Variants in SLC35B4 observed in about 807,000 individuals in gnomAD.
The protein encoded by SLC35B4 is solute carrier family 35 member B4, also known as nucleotide sugar transporter SLC35B4.
SLC35B4 carries 28 observed loss-of-function variants against 39.5 expected under a neutral mutation model. That is an observed-to-expected ratio of 0.71 (90% confidence interval 0.53 to 0.97). The LOEUF (loss-of-function observed/expected upper bound fraction) is 0.97. SLC35B4 is among the 50% of genes least tolerant of loss of function. The probability of loss-of-function intolerance (pLI) is 0.00; values close to 1 mark genes in which losing one functional copy is unlikely to be tolerated. For missense variants in SLC35B4, 334 were observed against 414.3 expected (o/e 0.81, Z 1.68); for synonymous variants, 145 against 150.4 (o/e 0.96, Z 0.26).
At chr7:134,299,310 C>G (rs1243375216) in intron 8 of SLC35B4, 1 of 469,124 alleles carries the variant, frequency 2.1e-6, no homozygotes, top group South Asian at 3.3e-5. Context: ...ATGGAAAACT[C>G]GAAGATATTC....
At chr7:134,296,741 CTG>C (rs1803477561) in intron 8 of SLC35B4, among the ~76,000 whole-genome samples, 1 of 152,172 alleles carries the variant, frequency 6.6e-6, no homozygotes. Flanking sequence ...CAAAGAAAGA[CTG>C]TGAAGCACAG....
At chr7:134,304,666 G>T in intron 4 of SLC35B4, 139 bp downstream of exon 4, 1 of 639,484 alleles carries the variant, frequency 1.6e-6, no homozygotes. Context: ...GGGCCTCACT[G>T]GTAAAGAACT....
chr7:134,310,455 G>C (rs944970539), intron 1 of SLC35B4, among the ~76,000 whole-genome samples: 2 of 152,102 alleles, frequency 1.3e-5, no homozygotes, highest in African/African-American at 4.8e-5. Flanking sequence ...GCTGGAAGAA[G>C]AACAAAGTGA....
At chr7:134,305,183 C>T (rs963775659) in intron 3 of SLC35B4, among the ~76,000 whole-genome samples, 31 of 152,040 alleles carry the variant, frequency 2.0e-4, no homozygotes, top group Non-Finnish European at 4.1e-4. Flanking sequence ...CTTAGCTGGG[C>T]GTGGTGGCAG....
chr7:134,304,817 A>G lies in SLC35B4; in HGVS notation c.332T>C (p.Ile111Thr). 6.2e-7 allele frequency: 1 copy of G among 1,611,858 alleles called. No homozygotes were observed. Among genetic ancestry groups the G allele is most frequent in the Non-Finnish European group, 8.5e-7 (1 of 1,177,946 alleles). Residue 111 changes from isoleucine (I) to threonine (T), a missense_variant, in exon 4 of 10, where the codon ATT becomes ACT. Ile to Thr is a moderately conservative substitution (Grantham distance 89). Transcript: ENST00000378509. The part of the protein sequence containing the change: ...LIANMILGII[I>T]LKKRYSIFKY... ...GTGTATTGTTTACCTTTTCTTCAAA[A>G]TGATAATTCCTAGAATCATGTTGGC...
At chr7:134,307,563 C>A (rs2544218) in intron 2 of SLC35B4, among the ~76,000 whole-genome samples, 76,692 of 151,992 alleles carry the variant, frequency 0.5, 19,885 homozygotes, top group African/African-American at 0.6. Context: ...GACTCAACTT[C>A]CTATATTGAG....
upstream of SLC35B4, among the ~76,000 whole-genome samples, chr7:134,318,165 G>A (rs1029268648): frequency 6.6e-6 from 1 of 152,216 alleles, no homozygotes; most frequent in African/African-American, 2.4e-5. Flanking sequence ...GTTATCGAGT[G>A]CAGATTATTG....
In SLC35B4 at chr7:134,304,838, T is replaced by C; in HGVS notation, c.311A>G (p.Asn104Ser). Residue 104 changes from asparagine to serine, a missense_variant, in exon 4 of 10, where the codon AAC (asparagine) becomes AGC (serine). Coordinates refer to ENST00000378509, the MANE Select transcript of SLC35B4 (RefSeq NM_032826.5). ...MIFRSGSLIANMILGIIILKK... is the reference protein window; with the variant it reads ...MIFRSGSLIASMILGIIILKK... ...CAAAATGATAATTCCTAGAATCATG[T>C]TGGCAATTAGAGAACCCTGCAAAAG... The C allele has an allele frequency of 6.2e-7, 1 of 1,612,780 alleles. No homozygotes were observed. Among genetic ancestry groups the C allele is most frequent in the African/African-American group, 1.3e-5 (1 of 74,976 alleles).
intron 2 of SLC35B4, among the ~76,000 whole-genome samples, chr7:134,307,758 G>A (rs573476461): frequency 6.4e-4 from 98 of 152,240 alleles, no homozygotes; most frequent in African/African-American, 2.0e-3. Flanking sequence ...CCGATTCTGC[G>A]TTGCTAGTTA....
At chr7:134,303,616 C>T (rs186193639) in intron 4 of SLC35B4, among the ~76,000 whole-genome samples, 4 of 152,252 alleles carry the variant, frequency 2.6e-5, no homozygotes, top group Non-Finnish European at 5.9e-5. Flanking sequence ...TATGACACAG[C>T]CCTTAATACT....
chr7:134,298,216 A>G (rs888781197), intron 8 of SLC35B4, among the ~76,000 whole-genome samples: 2 of 152,212 alleles, frequency 1.3e-5, no homozygotes, highest in African/African-American at 4.8e-5. Context: ...CTGGTATTCT[A>G]TTATCTTTGA....
chr7:134,296,421 C>A lies in SLC35B4; in HGVS notation c.719G>T (p.Trp240Leu). Residue 240 changes from tryptophan to leucine, a missense_variant, in exon 9 of 10, where the codon TGG becomes TTG. Coordinates refer to ENST00000378509, the MANE Select transcript of SLC35B4 (RefSeq NM_032826.5). ...PVIGVTLPIM[W>L]FYLLMNIITQ... ...GATGATGTTCATGAGGAGGTAGAAC[C>A]ACATGATGGGCAGGGTCACTCCGAT... 1 of 1,614,032 alleles carries A rather than the reference C, an allele frequency of 6.2e-7. No homozygotes were observed. The highest frequency in any genetic ancestry group is 8.5e-7 in the Non-Finnish European group (1 of 1,179,974).
intron 2 of SLC35B4, among the ~76,000 whole-genome samples, chr7:134,308,223 C>T (rs1026992713): frequency 2.6e-5 from 4 of 152,064 alleles, no homozygotes; most frequent in African/African-American, 7.2e-5. Flanking sequence ...AGTGGGGCGA[C>T]ATGATAAAAC....
intron 1 of SLC35B4, among the ~76,000 whole-genome samples, chr7:134,310,839 A>AC (rs1172800153): frequency 6.6e-6 from 1 of 151,554 alleles, no homozygotes; most frequent in African/African-American, 2.4e-5. Context: ...GAGCCACCAC[A>AC]CCCGGCCTCT....
chr7:134,303,427 G>C (rs1456016502), intron 4 of SLC35B4, among the ~76,000 whole-genome samples: 1 of 151,874 alleles, frequency 6.6e-6, no homozygotes. Context: ...TAAGAAGCAT[G>C]ATGATCACTT....
chr7:134,302,081 G>A lies in SLC35B4; in HGVS notation c.374C>T (p.Ala125Val), dbSNP rs1326997888. 4.3e-6 allele frequency: 7 copies of A among 1,613,538 alleles called. No individual in the cohort carries two copies. The highest frequency in any genetic ancestry group is 4.0e-5 in the African/African-American group (3 of 74,830). ...AATAAATATCCCCACAGACACCAGG[G>A]CAATGGAGGTATATTTGAATATACT... ...RYSIFKYTSI[A>V]LVSVGIFICT... Residue 125 changes from alanine (A) to valine (V), a missense_variant, in exon 5 of 10, where the codon GCC (alanine) becomes GTC (valine). Physicochemically the swap from Ala to Val is moderately conservative, Grantham distance 64 (BLOSUM62 0). Coordinates refer to ENST00000378509, the MANE Select transcript of SLC35B4 (RefSeq NM_032826.5).
At chr7:134,313,300 G>A (rs1200313920) in intron 1 of SLC35B4, among the ~76,000 whole-genome samples, 3 of 152,168 alleles carry the variant, frequency 2.0e-5, no homozygotes, top group Non-Finnish European at 4.4e-5. Context: ...AAAAAAGAAT[G>A]CAACTTTGAA....
upstream of SLC35B4, among the ~76,000 whole-genome samples, chr7:134,319,694 C>T (rs954803842): frequency 6.6e-6 from 1 of 152,194 alleles, no homozygotes; most frequent in African/African-American, 2.4e-5. Context: ...TCCCTGTAAA[C>T]CCCTCACCAT....
intron 1 of SLC35B4, among the ~76,000 whole-genome samples, chr7:134,315,326 G>A (rs907629254): frequency 6.6e-6 from 1 of 152,054 alleles, no homozygotes; most frequent in African/African-American, 2.4e-5. Flanking sequence ...AGGATTGTTC[G>A]GATGATCAAC....
Sources: allele counts gnomAD v4.1 joint callset (sites outside exome capture counted in the v4.1 genomes callset), GRCh38; gene constraint gnomAD v4.1.1; transcripts MANE v1.5; gene names NCBI Gene and HGNC (gene_info 2026-07-23, HGNC 2026-07-21).